Variants in CTBP1 observed in about 807,000 individuals in gnomAD.
CTBP1 encodes the protein C-terminal-binding protein 1.
Under a neutral mutation model 42.1 loss-of-function variants are expected in CTBP1, and 11 were observed. That is an observed-to-expected ratio of 0.26 (90% CI 0.16 to 0.43). The LOEUF (loss-of-function observed/expected upper bound fraction) is 0.43. CTBP1 is among the 20% of genes least tolerant of loss of function. CTBP1 has a pLI of 1.00. For synonymous variants in CTBP1, 324 were observed against 277.1 expected, an observed-to-expected ratio of 1.17 and a Z score of -1.68; for missense variants, 399 against 624.3, an observed-to-expected ratio of 0.64 and a Z score of 3.85.
chr4:1,248,308 G>C (rs913497190), intron 1 of CTBP1, among the ~76,000 whole-genome samples: 1 of 151,808 alleles, frequency 6.6e-6, no homozygotes, highest in Non-Finnish European at 1.5e-5. Context: ...CGTCACCGCC[G>C]GGGGCTGCGC....
intron 4 of CTBP1, among the ~76,000 whole-genome samples, chr4:1,226,529 G>A (rs535566963): frequency 9.9e-5 from 15 of 151,228 alleles, no homozygotes; most frequent in Admixed American, 4.6e-4. Flanking sequence ...TTAAACAAGG[G>A]AGACTGAGGG....
upstream of CTBP1, chr4:1,249,504 G>GCCGCAGCCGCAA (rs1263647209): frequency 1.1e-3 from 180 of 165,804 alleles, no homozygotes; most frequent in East Asian, 5.5e-3. Flanking sequence ...CGCAGCCGCA[G>GCCGCAGCCGCAA]CCGCCCCGCT....
chr4:1,249,810 C>T (rs959217582), upstream of CTBP1: 22 of 243,352 alleles, frequency 9.0e-5, no homozygotes, highest in Non-Finnish European at 1.5e-4. Flanking sequence ...TCTCTTTTAA[C>T]AAGAGTAGGG....
At position 1,222,817 on chromosome 4, in the gene CTBP1, G is replaced by A. The variant is rs532839957; in HGVS notation, c.514+2543C>T. On this transcript the variant is annotated intron_variant, in intron 5 of 9. Coordinates refer to ENST00000382952, the MANE Select transcript of CTBP1 (RefSeq NM_001012614.2). ...ACGGGAAGAGCCCGGGGCCTTCAGG[G>A]CCGGGACCACAGACCCCGACCCCAG... is the stretch of plus-strand genomic sequence containing the variant. 1.1e-3 allele frequency among the ~76,000 whole-genome samples: 167 copies of A among 152,288 alleles called. 1 individual carries two copies. The highest frequency in any genetic ancestry group is 9.6e-4 in the Non-Finnish European group (65 of 67,996).
chr4:1,213,653 G>C, intron 7 of CTBP1, 48 bp from the exon 8 acceptor site: 1 of 1,587,720 alleles, frequency 6.3e-7, no homozygotes, highest in Non-Finnish European at 8.6e-7. Flanking sequence ...GCTGTGGCTG[G>C]GTACGGAGGG....
Position 1,239,523 on chromosome 4 carries a change from G to A in CTBP1, c.8-1186C>T, listed in dbSNP as rs373771009. Among the ~76,000 whole-genome samples, 366 of 152,320 alleles carry A rather than the reference G, an allele frequency of 2.4e-3. 1 individual carries two copies. The highest frequency in any genetic ancestry group is 8.3e-3 in the African/African-American group (346 of 41,572). On this transcript the variant is annotated intron_variant, in intron 2 of 9. Transcript: ENST00000382952. ...TCCCGCCCCATCCGCTGCCCCATCC[G>A]CCTGCAGGTGAGCAGAGGCCACCGA...
At chr4:1,245,417 C>T (rs2108805146) in intron 1 of CTBP1, 1 of 985,412 alleles carries the variant, frequency 1.0e-6, no homozygotes, top group Middle Eastern at 5.2e-4. Flanking sequence ...ATCAGGGCTA[C>T]ACCTTCCTCC....
Position 1,225,588 on chromosome 4 carries a change from G to A in CTBP1, c.308-22C>T, listed in dbSNP as rs367564268. The stretch of plus-strand genomic sequence containing the variant: ...ATGCCTGTGGGGACAAGGACACGGC[G>A]GTCACCCCCGGGCCGGGCCCAGCCT... On this transcript the variant is annotated intron_variant, in intron 4 of 9. Transcript: ENST00000382952. 1,333 of 1,533,646 alleles carry A rather than the reference G, an allele frequency of 8.7e-4. 35 individuals are homozygous for A. In the South Asian group the frequency reaches 0.014, roughly 16 times the overall value.
At chr4:1,231,555 G>A (rs1346087473) in intron 3 of CTBP1, among the ~76,000 whole-genome samples, 3 of 152,226 alleles carry the variant, frequency 2.0e-5, no homozygotes, top group African/African-American at 7.2e-5. Context: ...TTGGGGGTCA[G>A]GAAGGGGCCC....
At position 1,232,258 on chromosome 4, in the gene CTBP1, C is replaced by T. The variant is rs1731039384; in HGVS notation, c.163-3915G>A. Among the ~76,000 whole-genome samples, 3 of 152,138 alleles carry T rather than the reference C, an allele frequency of 2.0e-5. No homozygotes were observed. In the South Asian group the frequency reaches 6.2e-4, roughly 32 times the overall value. On this transcript the variant is annotated intron_variant, in intron 3 of 9. Transcript: ENST00000382952. Reference sequence around the variant, plus strand: ...AGGCTGGCACACAAATTGAAAATACCCAACCCCTACCTCTCCCGTTTTTAT... The same window carrying T: ...AGGCTGGCACACAAATTGAAAATACTCAACCCCTACCTCTCCCGTTTTTAT...
In CTBP1 at chr4:1,214,365, C is replaced by G; in HGVS notation, c.838G>C (p.Val280Leu). The change falls in exon 7 of 10, where the codon GTG becomes CTG. Residue 280 changes from valine to leucine, a missense_variant. Val to Leu is a conservative substitution (Grantham distance 32, BLOSUM62 1). This residue lies in a region of CTBP1 where 309 missense variants were observed against 497.5 expected (regional missense o/e 0.62). Transcript: ENST00000382952. The part of the protein sequence containing the change: ...EGRIRGAALD[V>L]HESEPFSFSQ... ...CACCTGAAGGGTTCCGACTCGTGCACATCCAGGGCCGCGCCGCGGATCCGG... is the reference window on the plus strand; with the variant it reads ...CACCTGAAGGGTTCCGACTCGTGCAGATCCAGGGCCGCGCCGCGGATCCGG... 2 of 1,567,036 alleles carry G rather than the reference C, an allele frequency of 1.3e-6. No homozygotes were observed. The highest frequency in any genetic ancestry group is 1.7e-6 in the Non-Finnish European group (2 of 1,162,452).
At chr4:1,230,558 G>A (rs998995815) in intron 3 of CTBP1, among the ~76,000 whole-genome samples, 1 of 152,184 alleles carries the variant, frequency 6.6e-6, no homozygotes, top group African/African-American at 2.4e-5. Context: ...AGCTGGATGT[G>A]CAGGGGCCAC....
At position 1,238,371 on chromosome 4, in the gene CTBP1, C is replaced by A; in HGVS notation, c.8-34G>T. ...CAGAGGCAAGTGCTCAGCCTTGCAC[C>A]ACTGCGGCCCCGTGGCTACAACCCA... On this transcript the variant is annotated intron_variant, in intron 2 of 9. Coordinates refer to ENST00000382952, the MANE Select transcript of CTBP1 (RefSeq NM_001012614.2). This position sits in a 1 kb window ranked among gnomAD's most constrained non-coding sequence, Gnocchi z 5.9. 1 of 1,517,482 alleles carries A rather than the reference C, an allele frequency of 6.6e-7. No homozygotes were observed. The highest frequency in any genetic ancestry group is 8.8e-7 in the Non-Finnish European group (1 of 1,134,766). The allele number at this position is 1,517,482 out of a possible 1,614,324, so 94.0% of individuals were successfully genotyped here. A position where few individuals can be genotyped will look rare whatever the true frequency, so the allele number is the denominator to read the frequency against.
upstream of CTBP1, chr4:1,249,300 G>T (rs1039903588): frequency 1.3e-5 from 2 of 149,662 alleles, no homozygotes; most frequent in Non-Finnish European, 3.0e-5. Flanking sequence ...GCAGCCCGGC[G>T]GAGGCCCCGG....
At position 1,212,324 on chromosome 4, in the gene CTBP1, A is replaced by T. The variant is rs369652853; in HGVS notation, c.1206T>A (p.Pro402=). The change falls in exon 10 of 10, where the codon CCT becomes CCA. Residue 402 remains proline (P), a synonymous_variant. Coordinates refer to ENST00000382952, the MANE Select transcript of CTBP1 (RefSeq NM_001012614.2). The part of the protein sequence containing the change: ...SAMSLSHGLP[P]VAHPPHAPSP... ...AAGGGGCGTGGGGCGGGTGGGCCAC[A>T]GGGGGCAGGCCGTGGGACAGGGACA... 1,194 of 1,506,040 alleles carry T rather than the reference A, an allele frequency of 7.9e-4. No individual in the cohort carries two copies. The highest frequency in any genetic ancestry group is 1.0e-3 in the Non-Finnish European group (1,142 of 1,127,694). 93.3% of individuals were successfully genotyped at this position (1,506,040 alleles called of 1,614,324 possible). A position where few individuals can be genotyped will look rare whatever the true frequency, so the allele number is the denominator to read the frequency against.
In CTBP1 at chr4:1,216,126, A is replaced by G; in HGVS notation, c.594T>C (p.Asp198=). The G allele has an allele frequency of 6.2e-7, 1 of 1,611,380 alleles. No homozygotes were observed. The change falls in exon 6 of 10, where the codon GAT becomes GAC. Residue 198 remains aspartate, a synonymous_variant. Transcript: ENST00000382952. ...NVLFYDPYLS[D]GVERALGLQR... is the part of the protein sequence containing the mutation. ...GCAGCCCCAGCGCCCGCTCCACGCC[A>G]TCCGACAAGTAAGGGTCGTAGAAGA...
chr4:1,225,139 T>C (rs1290769588), intron 5 of CTBP1, among the ~76,000 whole-genome samples: 1 of 151,964 alleles, frequency 6.6e-6, no homozygotes, highest in Non-Finnish European at 1.5e-5. Context: ...TATCTGTGTG[T>C]GCCTGTGTGA....
chr4:1,222,501 G>A (rs1333368051), intron 5 of CTBP1, among the ~76,000 whole-genome samples: 1 of 152,136 alleles, frequency 6.6e-6, no homozygotes, highest in African/African-American at 2.4e-5. Context: ...GGCCAGTGCA[G>A]GGCAGAACGC....
At chr4:1,223,111 A>C (rs1729934771) in intron 5 of CTBP1, among the ~76,000 whole-genome samples, 1 of 152,026 alleles carries the variant, frequency 6.6e-6, no homozygotes, top group African/African-American at 2.4e-5. Flanking sequence ...CAGTCCACGA[A>C]TCTGAAGGTC....
Sources: allele counts gnomAD v4.1 joint callset (sites outside exome capture counted in the v4.1 genomes callset), GRCh38; gene constraint gnomAD v4.1.1; regional missense constraint gnomAD v4.1.1; non-coding constraint Gnocchi (gnomAD v3.1); transcripts MANE v1.5; gene names NCBI Gene and HGNC (gene_info 2026-07-23, HGNC 2026-07-21).